Variants in TMTC2 observed in about 807,000 individuals in gnomAD.
TMTC2 encodes the protein protein O-mannosyl-transferase TMTC2.
TMTC2 carries 43 observed loss-of-function variants against 82.4 expected under a neutral mutation model. That is an observed-to-expected ratio of 0.52 (90% CI 0.41 to 0.67). The LOEUF (loss-of-function observed/expected upper bound fraction) is 0.67, where lower values mean the gene tolerates loss of function less well. Ranked by LOEUF, TMTC2 falls within the 30% of genes least tolerant of loss-of-function variation. The pLI is 0.00. For missense variants in TMTC2, 919 were observed against 1,012.4 expected (o/e 0.91, Z 1.25); for synonymous variants, 408 against 381.9 (o/e 1.07, Z -0.80).
intron 1 of TMTC2, among the ~76,000 whole-genome samples, chr12:82,788,359 C>T (rs1004509553): frequency 1.3e-5 from 2 of 152,006 alleles, no homozygotes; most frequent in African/African-American, 4.8e-5. Context: ...ATCATTGCAA[C>T]TATTGGTAAC....
At chr12:82,917,241 T>C (rs1384104564) in intron 3 of TMTC2, among the ~76,000 whole-genome samples, 1 of 152,126 alleles carries the variant, frequency 6.6e-6, no homozygotes, top group African/African-American at 2.4e-5. Flanking sequence ...TGGCTCTTTT[T>C]CTCCTCCCTT....
At position 83,025,356 on chromosome 12, in the gene TMTC2, A is replaced by G. The variant is rs184412053; in HGVS notation, c.2071-5442A>G. Among the ~76,000 whole-genome samples, 614 of 150,874 alleles carry G rather than the reference A, an allele frequency of 4.1e-3. 7 individuals are homozygous for G. The highest frequency in any genetic ancestry group is 0.013 in the Admixed American group (190 of 15,114). ...ATGCACTATTTACATTAGGGGAAAA[A>G]GTATATATATGTATATTTATACATA... On this transcript the variant is annotated intron_variant, in intron 8 of 11. Coordinates refer to ENST00000321196, the MANE Select transcript of TMTC2 (RefSeq NM_152588.3).
At chr12:82,717,672 A>C (rs186445189) in intron 1 of TMTC2, among the ~76,000 whole-genome samples, 94 of 152,318 alleles carry the variant, frequency 6.2e-4, no homozygotes, top group African/African-American at 2.0e-3. Context: ...ATATACTTTA[A>C]ATTTTCAAGG....
At chr12:82,889,600 GC>G (rs1253456218) in intron 2 of TMTC2, among the ~76,000 whole-genome samples, 1 of 151,874 alleles carries the variant, frequency 6.6e-6, no homozygotes, top group East Asian at 1.9e-4. Context: ...ACATACGTAA[GC>G]ATTTGTGAAA....
intron 4 of TMTC2, among the ~76,000 whole-genome samples, chr12:82,949,032 A>G (rs1877196397): frequency 6.6e-6 from 1 of 152,218 alleles, no homozygotes; most frequent in South Asian, 2.1e-4. Context: ...CCATAATGGT[A>G]CTTTCAAAAT....
chr12:83,037,326 A>G (rs1426205793), intron 9 of TMTC2, among the ~76,000 whole-genome samples: 1 of 152,192 alleles, frequency 6.6e-6, no homozygotes, highest in African/African-American at 2.4e-5. Flanking sequence ...GAAGATGGTA[A>G]TGGACTGAGG....
chr12:83,055,454 G>A (rs1190453014), intron 10 of TMTC2, among the ~76,000 whole-genome samples: 2 of 151,956 alleles, frequency 1.3e-5, no homozygotes, highest in Non-Finnish European at 2.9e-5. Context: ...AAGCAGATTG[G>A]TTATCATTAA....
At chr12:82,965,514 G>C (rs921747572) in intron 5 of TMTC2, 46 bp from the exon 6 acceptor site, 1 of 1,596,662 alleles carries the variant, frequency 6.3e-7, no homozygotes, top group Non-Finnish European at 8.6e-7. Context: ...TTTTATTCAA[G>C]TGTATATCAT....
chr12:82,793,643 A>G, intron 1 of TMTC2, among the ~76,000 whole-genome samples: 1 of 152,154 alleles, frequency 6.6e-6, no homozygotes, highest in East Asian at 1.9e-4. Flanking sequence ...GAGTTGAAGA[A>G]TTTTTAAAAA....
chr12:82,827,623 G>A (rs116142235), intron 1 of TMTC2, among the ~76,000 whole-genome samples: 2,786 of 152,122 alleles, frequency 0.018, 78 homozygotes, highest in African/African-American at 0.063. Context: ...TGATGTCTGT[G>A]CTCAGTATAA....
At chr12:82,992,557 C>T (rs183416704) in intron 8 of TMTC2, among the ~76,000 whole-genome samples, 16 of 152,186 alleles carry the variant, frequency 1.1e-4, no homozygotes, top group Non-Finnish European at 2.1e-4. Context: ...GTTTAATCAC[C>T]ACAATATATT....
rs377070443 is a variant in TMTC2 at position 83,101,119 on chromosome 12, A to G, written c.2332-31091A>G. 1.1e-3 allele frequency among the ~76,000 whole-genome samples: 165 copies of G among 152,382 alleles called. 3 individuals carry two copies. The South Asian group carries it at 0.034, about 31-fold the overall frequency. On this transcript the variant is annotated intron_variant, in intron 11 of 11. Coordinates refer to ENST00000321196, the MANE Select transcript of TMTC2 (RefSeq NM_152588.3). ...AATTACAGTAACACAAACATTTAGC[A>G]TGATTGCTTGTGACATTATTTTGCA... is the stretch of plus-strand genomic sequence containing the variant.
At chr12:82,812,970 C>T (rs1868481978) in intron 1 of TMTC2, among the ~76,000 whole-genome samples, 1 of 152,030 alleles carries the variant, frequency 6.6e-6, no homozygotes, top group Non-Finnish European at 1.5e-5. Context: ...TTTGCCGTCA[C>T]ACTGTGAATC....
At chr12:82,955,133 C>A (rs1313936584) in intron 4 of TMTC2, among the ~76,000 whole-genome samples, 1 of 152,106 alleles carries the variant, frequency 6.6e-6, no homozygotes, top group Non-Finnish European at 1.5e-5. Flanking sequence ...TTATTCTTTG[C>A]TGTGGAAGGC....
At position 82,857,018 on chromosome 12, in the gene TMTC2, T is replaced by A. The variant is rs1478740648; in HGVS notation, c.92T>A (p.Ile31Asn). Residue 31 changes from isoleucine to asparagine, a missense_variant, in exon 2 of 12, where the codon ATC (isoleucine) becomes AAC (asparagine). Ile to Asn is a moderately radical substitution (Grantham distance 149, BLOSUM62 -3). Transcript: ENST00000321196. ...ADFCYDDSRA[I>N]KTNQDLLPET... ...AACGTTTTGTTTTTTAGCCGTGCTA[T>A]CAAGACTAATCAGGACCTTCTCCCA... The A allele has an allele frequency of 6.2e-7, 1 of 1,611,704 alleles. No individual in the cohort carries two copies. The highest frequency in any genetic ancestry group is 1.7e-5 in the Admixed American group (1 of 59,946).
rs531118590 is a variant in TMTC2 at position 83,033,048 on chromosome 12, C to T, written c.2152+2169C>T. Among the ~76,000 whole-genome samples the T allele has an allele frequency of 6.6e-5, 10 of 152,156 alleles. No homozygotes were observed. The South Asian group carries it at 2.1e-3, about 32-fold the overall frequency. ...TATAATTAAATATAATTTTATGAAACATAATGTTAGGTATTTTATGAAATT... is the reference window on the plus strand; with the variant it reads ...TATAATTAAATATAATTTTATGAAATATAATGTTAGGTATTTTATGAAATT... On this transcript the variant is annotated intron_variant, in intron 9 of 11. Transcript: ENST00000321196.
intron 11 of TMTC2, among the ~76,000 whole-genome samples, chr12:83,063,650 G>T (rs1882819005): frequency 6.6e-6 from 1 of 151,812 alleles, no homozygotes; most frequent in Admixed American, 6.6e-5. Context: ...AAAGCTTGGT[G>T]GAAAATATCT....
intron 11 of TMTC2, among the ~76,000 whole-genome samples, chr12:83,075,343 G>A (rs567762702): frequency 5.1e-4 from 78 of 152,212 alleles, no homozygotes; most frequent in Non-Finnish European, 9.3e-4. Context: ...TCAAACCTCC[G>A]CAAGCTGCTC....
At chr12:82,698,047 G>A (rs1015578353) in intron 1 of TMTC2, among the ~76,000 whole-genome samples, 1 of 152,152 alleles carries the variant, frequency 6.6e-6, no homozygotes, top group Admixed American at 6.5e-5. Context: ...GGTTAGAAAT[G>A]CTTCGGCCTG....
Sources: gnomAD v4.1 joint callset for allele counts (sites outside exome capture counted in the v4.1 genomes callset) on GRCh38, gnomAD v4.1.1 for gene constraint, MANE v1.5 for transcripts, NCBI Gene and HGNC (gene_info 2026-07-23, HGNC 2026-07-21) for gene names.